Variants in C20orf203 observed in about 807,000 individuals in gnomAD.
The protein encoded by C20orf203 is uncharacterized protein C20orf203.
C20orf203 carries 16 observed loss-of-function variants against 15.9 expected under a neutral mutation model. The observed-to-expected ratio is 1.01, with a 90% CI of 0.68 to 1.53. The LOEUF (loss-of-function observed/expected upper bound fraction) is 1.53, where lower values mean the gene tolerates loss of function less well. C20orf203 is among the 40% of genes most tolerant of loss of function. The pLI is 0.00. For synonymous variants in C20orf203, 98 were observed against 97.2 expected (o/e 1.01, Z -0.05); for missense variants, 263 against 247.5 (o/e 1.06, Z -0.42).
intron 4 of C20orf203, among the ~76,000 whole-genome samples, chr20:32,649,054 C>T (rs1372623113): frequency 6.6e-6 from 1 of 152,200 alleles, no homozygotes; most frequent in African/African-American, 2.4e-5. Flanking sequence ...TTTCCTCATA[C>T]CTGGCAAGGA....
intron 1 of C20orf203, among the ~76,000 whole-genome samples, chr20:32,671,248 T>C (rs1983159066): frequency 6.6e-6 from 1 of 152,238 alleles, no homozygotes. Flanking sequence ...GATTGCATCA[T>C]TATTCACAAT....
chr20:32,644,112 G>T (rs1454183371), intron 4 of C20orf203, among the ~76,000 whole-genome samples: 1 of 152,318 alleles, frequency 6.6e-6, no homozygotes, highest in South Asian at 2.1e-4. Context: ...TACCCAGAAG[G>T]TTGTCAGGAC....
chr20:32,663,673 T>C (rs903749109), intron 1 of C20orf203, among the ~76,000 whole-genome samples: 5 of 152,218 alleles, frequency 3.3e-5, no homozygotes, highest in Non-Finnish European at 7.3e-5. Context: ...AAAGCATGAG[T>C]TGGGCTGGGG....
chr20:32,672,764 C>A (rs1453028072), intron 1 of C20orf203, among the ~76,000 whole-genome samples: 1 of 152,118 alleles, frequency 6.6e-6, no homozygotes, highest in Non-Finnish European at 1.5e-5. Context: ...CTGCCTCCCC[C>A]AAGCTCACAG....
chr20:32,660,179 C>T (rs946943005), intron 1 of C20orf203, among the ~76,000 whole-genome samples: 5 of 152,158 alleles, frequency 3.3e-5, no homozygotes, highest in Admixed American at 1.3e-4. Flanking sequence ...TGAGGCTGTG[C>T]GGTAAGCACC....
At chr20:32,662,516 G>A (rs374360296) in intron 1 of C20orf203, among the ~76,000 whole-genome samples, 3 of 152,032 alleles carry the variant, frequency 2.0e-5, no homozygotes, top group Non-Finnish European at 2.9e-5. Flanking sequence ...CAGGAGAATC[G>A]ATTGAACCCG....
chr20:32,671,621 T>C (rs2145684830), intron 1 of C20orf203, among the ~76,000 whole-genome samples: 1 of 151,952 alleles, frequency 6.6e-6, no homozygotes, highest in South Asian at 2.1e-4. Context: ...GGTGGGCAAA[T>C]CACCTCAGGT....
intron 5 of C20orf203, among the ~76,000 whole-genome samples, chr20:32,635,953 G>A (rs553208706): frequency 3.3e-5 from 5 of 152,264 alleles, no homozygotes; most frequent in Non-Finnish European, 5.9e-5. Flanking sequence ...CCCATCCCGT[G>A]TACAGTGAGC....
Position 32,650,757 on chromosome 20 carries a change from G to A in C20orf203, c.260C>T (p.Pro87Leu), listed in dbSNP as rs750670496. The A allele has an allele frequency of 2.4e-4, 372 of 1,526,198 alleles. No individual in the cohort carries two copies. The highest frequency in any genetic ancestry group is 2.9e-4 in the Non-Finnish European group (334 of 1,134,072). The allele number at this position is 1,526,198 out of a possible 1,614,324, so 94.5% of individuals were successfully genotyped here. The change falls in exon 4 of 6, where the codon CCG becomes CTG. Residue 87 changes from proline (P) to leucine (L), a missense_variant. By Grantham distance (98) the Pro-to-Leu change is moderately conservative. Coordinates refer to ENST00000608990, the MANE Select transcript of C20orf203 (RefSeq NM_182584.4). ...TTCCTGATAAGGGCCTGGGTGTTGCGGAGGAGGAGGCTGGCGCTGGTGGCT... is the reference window on the plus strand; with the variant it reads ...TTCCTGATAAGGGCCTGGGTGTTGCAGAGGAGGAGGCTGGCGCTGGTGGCT... ...QPSHQRQPPPPQHPGPYQERI... is the reference protein window; with the variant it reads ...QPSHQRQPPPLQHPGPYQERI...
intron 4 of C20orf203, among the ~76,000 whole-genome samples, chr20:32,644,937 C>T (rs1407620822): frequency 6.6e-6 from 1 of 151,868 alleles, no homozygotes; most frequent in Non-Finnish European, 1.5e-5. Flanking sequence ...TCCAGGGATG[C>T]AGCAGGGCTA....
At chr20:32,672,693 TCAC>T (rs1276735930) in intron 1 of C20orf203, among the ~76,000 whole-genome samples, 1 of 152,162 alleles carries the variant, frequency 6.6e-6, no homozygotes, top group Non-Finnish European at 1.5e-5. Flanking sequence ...CCTGAATTTC[TCAC>T]CACACCAGGC....
In C20orf203 at chr20:32,672,389, T is replaced by C. The variant is rs1600944664; in HGVS notation, c.-264+1243A>G. On this transcript the variant is annotated intron_variant, in intron 1 of 5. Transcript: ENST00000608990. Reference sequence around the variant, plus strand: ...ATACACACACATAAAATATATTACATATATATTATACATACATACATACAT... The same window carrying C: ...ATACACACACATAAAATATATTACACATATATTATACATACATACATACAT... Among the ~76,000 whole-genome samples, 3 of 151,860 alleles carry C rather than the reference T, an allele frequency of 2.0e-5. No homozygotes were observed. In the South Asian group the frequency reaches 6.2e-4, roughly 32 times the overall value.
chr20:32,637,155 A>G (rs1982158559), intron 5 of C20orf203, among the ~76,000 whole-genome samples: 1 of 152,254 alleles, frequency 6.6e-6, no homozygotes, highest in South Asian at 2.1e-4. Context: ...CACGCCTGTA[A>G]TCCCAGCACT....
At chr20:32,667,493 T>C (rs1036572749) in intron 1 of C20orf203, among the ~76,000 whole-genome samples, 2 of 152,208 alleles carry the variant, frequency 1.3e-5, no homozygotes, top group African/African-American at 2.4e-5. Flanking sequence ...TCCCTCTCTT[T>C]GACCAAAATT....
In C20orf203 at chr20:32,659,585, A is replaced by T. The variant is rs1268953072; in HGVS notation, c.-263-7604T>A. 2.0e-5 allele frequency among the ~76,000 whole-genome samples: 3 copies of T among 152,248 alleles called. No individual in the cohort carries two copies. The East Asian group carries it at 5.8e-4, about 29-fold the overall frequency. On this transcript the variant is annotated intron_variant, in intron 1 of 5. Transcript: ENST00000608990. ...CAAAGTGGAGGTGCCTGCAGCAGCC[A>T]CTATCTTTGAGACTGGACCTGGCTG... is the stretch of plus-strand genomic sequence containing the variant.
At chr20:32,673,298 C>T (rs1466536918) in intron 1 of C20orf203, among the ~76,000 whole-genome samples, 1 of 152,182 alleles carries the variant, frequency 6.6e-6, no homozygotes, top group Admixed American at 6.5e-5. Context: ...CCAGCAGCCT[C>T]CTCCTGCTCC....
intron 4 of C20orf203, among the ~76,000 whole-genome samples, chr20:32,647,672 T>C (rs1982474279): frequency 6.6e-6 from 1 of 152,154 alleles, no homozygotes; most frequent in African/African-American, 2.4e-5. Context: ...GCCACTGCAC[T>C]CCAGCCTGGG....
chr20:32,648,618 TTG>T (rs1398756152), intron 4 of C20orf203, among the ~76,000 whole-genome samples: 1 of 144,722 alleles, frequency 6.9e-6, no homozygotes, highest in Non-Finnish European at 1.5e-5. Flanking sequence ...TTTTTTTTTT[TTG>T]TGTGTGTGTT....
intron 1 of C20orf203, among the ~76,000 whole-genome samples, chr20:32,661,151 C>A (rs879904717): frequency 6.6e-6 from 1 of 152,184 alleles, no homozygotes; most frequent in Non-Finnish European, 1.5e-5. Flanking sequence ...CCTGCGTCAC[C>A]AGCTCTGACT....
Sources: allele counts gnomAD v4.1 joint callset (sites outside exome capture counted in the v4.1 genomes callset), GRCh38; gene constraint gnomAD v4.1.1; transcripts MANE v1.5; gene names NCBI Gene and HGNC (gene_info 2026-07-23, HGNC 2026-07-21).